EXOC4: variants seen among roughly 807,000 people sequenced by gnomAD.
EXOC4 encodes exocyst complex component 4.
EXOC4 carries 71 observed loss-of-function variants against 107.2 expected under a neutral mutation model. The observed-to-expected ratio is 0.66, with a 90% CI of 0.55 to 0.81. The LOEUF (loss-of-function observed/expected upper bound fraction) is 0.81, where lower values mean the gene tolerates loss of function less well. EXOC4 is among the 30% of genes least tolerant of loss of function. EXOC4 has a pLI of 0.00. For missense variants in EXOC4, 1,108 were observed against 1,189.6 expected, an observed-to-expected ratio of 0.93 and a Z score of 1.01; for synonymous variants, 456 against 441.2, an observed-to-expected ratio of 1.03 and a Z score of -0.42.
intron 10 of EXOC4, among the ~76,000 whole-genome samples, chr7:133,712,689 GAT>G (rs1261010140): frequency 1.3e-5 from 2 of 152,088 alleles, no homozygotes; most frequent in African/African-American, 4.8e-5. Context: ...ATAGCTGAAA[GAT>G]AGAAATAGCC....
At chr7:133,396,923 T>C (rs1188133233) in intron 7 of EXOC4, among the ~76,000 whole-genome samples, 1 of 152,220 alleles carries the variant, frequency 6.6e-6, no homozygotes, top group Non-Finnish European at 1.5e-5. Context: ...AGTTTGCTTT[T>C]ACCTGCATTA....
At chr7:133,649,247 A>G (rs992512603) in intron 10 of EXOC4, among the ~76,000 whole-genome samples, 6 of 152,116 alleles carry the variant, frequency 3.9e-5, no homozygotes, top group African/African-American at 1.4e-4. Flanking sequence ...AGATATTGAC[A>G]GAATCATTAA....
At chr7:133,780,298 G>T in intron 10 of EXOC4, among the ~76,000 whole-genome samples, 1 of 118,476 alleles carries the variant, frequency 8.4e-6, no homozygotes, top group African/African-American at 3.4e-5. Flanking sequence ...TGCTTTTGAA[G>T]AATCTAAAAA....
chr7:133,257,385 C>T (rs1016000331), intron 1 of EXOC4, among the ~76,000 whole-genome samples: 3 of 151,808 alleles, frequency 2.0e-5, no homozygotes, highest in Admixed American at 6.6e-5. Flanking sequence ...CACACACACA[C>T]GTGCACACAC....
chr7:133,434,764 T>A (rs1797930330), intron 7 of EXOC4, among the ~76,000 whole-genome samples: 1 of 152,224 alleles, frequency 6.6e-6, no homozygotes, highest in Admixed American at 6.5e-5. Context: ...TATACAGACC[T>A]CAGGATTGTG....
chr7:133,833,870 A>T (rs914641074), intron 11 of EXOC4, among the ~76,000 whole-genome samples: 2 of 152,212 alleles, frequency 1.3e-5, no homozygotes, highest in African/African-American at 2.4e-5. Context: ...TGGCCCTTGC[A>T]CAACTTTCAA....
Position 133,613,941 on chromosome 7 carries a change from G to T in EXOC4, c.1418-16104G>T, listed in dbSNP as rs193301471. On this transcript the variant is annotated intron_variant, in intron 9 of 17. Coordinates refer to ENST00000253861, the MANE Select transcript of EXOC4 (RefSeq NM_021807.4). ...GGAAGGTGAAGGATGTAAAGCTGGA[G>T]AATTTAATGCAAATTAAAAGGATGC... 3.3e-5 allele frequency among the ~76,000 whole-genome samples: 5 copies of T among 152,256 alleles called. No homozygotes were observed. The East Asian group carries it at 7.7e-4, about 23-fold the overall frequency.
chr7:133,467,983 T>C (rs1482398811), intron 7 of EXOC4, among the ~76,000 whole-genome samples: 3 of 152,152 alleles, frequency 2.0e-5, no homozygotes, highest in African/African-American at 7.2e-5. Flanking sequence ...AAGGACTTAT[T>C]TTTGAGTCCT....
At chr7:133,515,355 G>A (rs938760649) in intron 9 of EXOC4, among the ~76,000 whole-genome samples, 4 of 121,440 alleles carry the variant, frequency 3.3e-5, no homozygotes, top group African/African-American at 8.9e-5. Context: ...ACACACACAC[G>A]TATACATATA....
chr7:133,455,284 A>G (rs902181948), intron 7 of EXOC4, among the ~76,000 whole-genome samples: 3 of 152,148 alleles, frequency 2.0e-5, no homozygotes, highest in South Asian at 2.1e-4. Flanking sequence ...GCAGCATGCA[A>G]TTAAAAACTT....
At chr7:133,817,624 A>T in intron 11 of EXOC4, 80 bp downstream of exon 11, 14 of 1,044,344 alleles carry the variant, frequency 1.3e-5, no homozygotes, top group Non-Finnish European at 2.0e-5. Context: ...AAAAAAGAAG[A>T]ATTACCATCT....
intron 10 of EXOC4, among the ~76,000 whole-genome samples, chr7:133,648,638 C>T (rs1030971966): frequency 6.6e-6 from 1 of 152,048 alleles, no homozygotes; most frequent in Admixed American, 6.6e-5. Context: ...TTGTTAGTGC[C>T]GCCTTTGAAC....
chr7:133,664,609 G>A (rs1793772062), intron 10 of EXOC4, among the ~76,000 whole-genome samples: 1 of 152,066 alleles, frequency 6.6e-6, no homozygotes, highest in Non-Finnish European at 1.5e-5. Flanking sequence ...AATCCTTTTG[G>A]CCCAGAATGA....
chr7:134,049,634 C>T lies in EXOC4; in HGVS notation c.2688-14657C>T, dbSNP rs576668187. On this transcript the variant is annotated intron_variant, in intron 17 of 17. Transcript: ENST00000253861. ...TCCTGCCTGTGATCTTAGAGAATCT[C>T]CTCCAGACCTTTATTATGGCCACTG... Among the ~76,000 whole-genome samples the T allele has an allele frequency of 2.6e-5, 4 of 152,324 alleles. No homozygotes were observed. The East Asian group carries it at 7.7e-4, about 29-fold the overall frequency.
At chr7:133,686,183 C>G (rs1270200611) in intron 10 of EXOC4, among the ~76,000 whole-genome samples, 2 of 152,140 alleles carry the variant, frequency 1.3e-5, no homozygotes, top group Admixed American at 1.3e-4. Flanking sequence ...GCAGAAAGTC[C>G]TCACCAGATG....
intron 11 of EXOC4, among the ~76,000 whole-genome samples, chr7:133,836,111 G>A (rs956868955): frequency 1.3e-5 from 2 of 152,112 alleles, no homozygotes; most frequent in Non-Finnish European, 2.9e-5. Flanking sequence ...ATATAATATA[G>A]CAGACAGGCA....
intron 11 of EXOC4, among the ~76,000 whole-genome samples, chr7:133,881,686 AC>A (rs1286004209): frequency 1.3e-5 from 2 of 152,080 alleles, no homozygotes; most frequent in African/African-American, 4.8e-5. Context: ...GAAGGTACTT[AC>A]TTATTTATAT....
At chr7:133,453,837 G>A (rs1293637212) in intron 7 of EXOC4, among the ~76,000 whole-genome samples, 2 of 152,024 alleles carry the variant, frequency 1.3e-5, no homozygotes, top group Admixed American at 6.5e-5. Flanking sequence ...TATGTTATAT[G>A]TTAAGTGCAT....
At chr7:133,569,265 G>C (rs181605135) in intron 9 of EXOC4, among the ~76,000 whole-genome samples, 5 of 152,120 alleles carry the variant, frequency 3.3e-5, no homozygotes, top group Admixed American at 3.3e-4. Context: ...TCATGTCCAC[G>C]AATGTATAAT....
Sources: allele counts gnomAD v4.1 joint callset (sites outside exome capture counted in the v4.1 genomes callset), GRCh38; gene constraint gnomAD v4.1.1; transcripts MANE v1.5; gene names NCBI Gene and HGNC (gene_info 2026-07-23, HGNC 2026-07-21).